Variants in CADPS observed in about 807,000 individuals in gnomAD.
CADPS encodes the protein calcium dependent secretion activator.
Under a neutral mutation model 167.3 loss-of-function variants are expected in CADPS, and 57 were observed. The observed-to-expected ratio is 0.34, with a 90% confidence interval of 0.28 to 0.42. CADPS has a LOEUF of 0.42. Ranked by LOEUF, CADPS falls within the 20% of genes least tolerant of loss-of-function variation. CADPS has a pLI of 1.00. For missense variants in CADPS, 1,414 were observed against 1,738.1 expected (o/e 0.81, Z 3.32); for synonymous variants, 676 against 635.3 (o/e 1.06, Z -0.96).
intron 11 of CADPS, among the ~76,000 whole-genome samples, chr3:62,538,187 G>A (rs959161014): frequency 6.6e-6 from 1 of 152,108 alleles, no homozygotes; most frequent in Non-Finnish European, 1.5e-5. Context: ...GAGGTTGGCT[G>A]CTTCATCTAG....
At chr3:62,740,788 C>T (rs1229302165) in intron 3 of CADPS, among the ~76,000 whole-genome samples, 1 of 152,210 alleles carries the variant, frequency 6.6e-6, no homozygotes, top group African/African-American at 2.4e-5. Context: ...GGGCTCCTTA[C>T]ATACCTTATT....
At chr3:62,530,076 C>T (rs1483996637) in intron 13 of CADPS, among the ~76,000 whole-genome samples, 1 of 152,056 alleles carries the variant, frequency 6.6e-6, no homozygotes, top group African/African-American at 2.4e-5. Context: ...GTTAAAAGTG[C>T]CTTAAAGGTG....
chr3:62,544,970 G>A lies in CADPS; in HGVS notation c.1966+4933C>T, dbSNP rs754583805. On this transcript the variant is annotated intron_variant, in intron 11 of 29. Coordinates refer to ENST00000383710, the MANE Select transcript of CADPS (RefSeq NM_003716.4). This position sits in a 1 kb window ranked among gnomAD's most constrained non-coding sequence, Gnocchi z 4.4. ...CCTAGCAGCCTAAGTTCTTGGGTTCGAGCAAAGATTGAACAAGAAAACTTA... is the reference window on the plus strand; with the variant it reads ...CCTAGCAGCCTAAGTTCTTGGGTTCAAGCAAAGATTGAACAAGAAAACTTA... 22 of 452,144 alleles carry A rather than the reference G, an allele frequency of 4.9e-5. No individual in the cohort carries two copies. The highest frequency in any genetic ancestry group is 1.7e-4 in the Admixed American group (3 of 18,094). 28.0% of individuals were successfully genotyped at this position (452,144 alleles called of 1,614,324 possible).
At chr3:62,662,779 A>G (rs1314004840) in intron 3 of CADPS, among the ~76,000 whole-genome samples, 1 of 152,206 alleles carries the variant, frequency 6.6e-6, no homozygotes, top group Non-Finnish European at 1.5e-5. Flanking sequence ...GAGCAGACAT[A>G]GTGCATATCC....
chr3:62,703,959 T>A lies in CADPS; in HGVS notation c.889-41565A>T, dbSNP rs139030438. On this transcript the variant is annotated intron_variant, in intron 3 of 29. Transcript: ENST00000383710. ...AAATGAATTCCTGGAATGTAGGGAATTTTTAGTCAAGCAATGTCAACTCAC... is the reference window on the plus strand; with the variant it reads ...AAATGAATTCCTGGAATGTAGGGAAATTTTAGTCAAGCAATGTCAACTCAC... Among the ~76,000 whole-genome samples, 259 of 152,226 alleles carry A rather than the reference T, an allele frequency of 1.7e-3. 2 individuals are homozygous for A. Among genetic ancestry groups the A allele is most frequent in the Non-Finnish European group, 2.2e-3 (150 of 68,004 alleles).
intron 3 of CADPS, among the ~76,000 whole-genome samples, chr3:62,708,772 G>A (rs960162639): frequency 1.3e-5 from 2 of 152,050 alleles, no homozygotes; most frequent in Admixed American, 1.3e-4. Context: ...GGATCAATGA[G>A]GAAGCCAAAT....
At chr3:62,681,356 C>T (rs2077131019) in intron 3 of CADPS, among the ~76,000 whole-genome samples, 1 of 152,094 alleles carries the variant, frequency 6.6e-6, no homozygotes, top group South Asian at 2.1e-4. Flanking sequence ...TGACTGACCT[C>T]TGTTTCTCCA....
intron 13 of CADPS, among the ~76,000 whole-genome samples, chr3:62,523,838 G>A (rs1284771550): frequency 6.6e-6 from 1 of 152,178 alleles, no homozygotes. Flanking sequence ...GCTGGTGCAG[G>A]CACCGTAAAC....
intron 1 of CADPS, among the ~76,000 whole-genome samples, chr3:62,868,209 C>A (rs932848051): frequency 6.6e-6 from 1 of 152,044 alleles, no homozygotes; most frequent in African/African-American, 2.4e-5. Context: ...AGGGAACACA[C>A]AGTTCTAAAT....
intron 1 of CADPS, among the ~76,000 whole-genome samples, chr3:62,863,099 T>A (rs1412585063): frequency 6.6e-6 from 1 of 152,204 alleles, no homozygotes; most frequent in African/African-American, 2.4e-5. Flanking sequence ...CTATTATATA[T>A]ACATACAATC....
intron 6 of CADPS, among the ~76,000 whole-genome samples, chr3:62,612,749 A>G (rs1436103703): frequency 6.6e-6 from 1 of 152,178 alleles, no homozygotes; most frequent in Non-Finnish European, 1.5e-5. Context: ...TCCTTGCTGT[A>G]TCCTCTGAGT....
intron 1 of CADPS, among the ~76,000 whole-genome samples, chr3:62,833,253 T>G (rs1559836533): frequency 6.6e-6 from 1 of 152,008 alleles, no homozygotes; most frequent in Non-Finnish European, 1.5e-5. Context: ...CTCCCCAGGA[T>G]CCTCCAACCT....
intron 13 of CADPS, chr3:62,530,751 T>C (rs766779274): frequency 1.6e-6 from 2 of 1,288,172 alleles, no homozygotes; most frequent in Non-Finnish European, 2.0e-6. Flanking sequence ...GGGGAGGGAG[T>C]TTTGCTCCCT....
At chr3:62,733,597 T>C (rs1314721241) in intron 3 of CADPS, among the ~76,000 whole-genome samples, 1 of 152,208 alleles carries the variant, frequency 6.6e-6, no homozygotes, top group African/African-American at 2.4e-5. Flanking sequence ...TTTTTATCTT[T>C]CTTGTCTTAG....
At chr3:62,846,320 A>C (rs62242386) in intron 1 of CADPS, among the ~76,000 whole-genome samples, 22,587 of 152,242 alleles carry the variant, frequency 0.15, 1,769 homozygotes, top group Middle Eastern at 0.19. Context: ...CTCCATAAGC[A>C]ACGTGTTGTG....
chr3:62,585,116 T>C, intron 8 of CADPS, 69 bp downstream of exon 8: 6 of 1,449,804 alleles, frequency 4.1e-6, no homozygotes, highest in Non-Finnish European at 5.8e-6. Flanking sequence ...CTTGTGTTTA[T>C]TTTTGTTTTC....
In CADPS at chr3:62,654,455, G is replaced by A. The variant is rs1448489404; in HGVS notation, c.970-3375C>T. ...GAAGAGTTTGCCACCAGGTTGAGTT[G>A]GCTGAGATAGGGCCACTGCTCTTTT... On this transcript the variant is annotated intron_variant, in intron 4 of 29. Transcript: ENST00000383710. Among the ~76,000 whole-genome samples, 6 of 152,164 alleles carry A rather than the reference G, an allele frequency of 3.9e-5. No homozygotes were observed. In the South Asian group the frequency reaches 1.2e-3, roughly 32 times the overall value.
chr3:62,775,404 A>G (rs1430911947), intron 1 of CADPS, among the ~76,000 whole-genome samples: 1 of 152,150 alleles, frequency 6.6e-6, no homozygotes, highest in Non-Finnish European at 1.5e-5. Flanking sequence ...TCAAAAATGA[A>G]TTCAGTGAGT....
intron 3 of CADPS, among the ~76,000 whole-genome samples, chr3:62,680,371 C>T (rs2076963866): frequency 6.6e-6 from 1 of 152,022 alleles, no homozygotes; most frequent in Non-Finnish European, 1.5e-5. Flanking sequence ...GCCCACCCTA[C>T]CCCAAGCTGT....
Sources: gnomAD v4.1 joint callset for allele counts (sites outside exome capture counted in the v4.1 genomes callset) on GRCh38, gnomAD v4.1.1 for gene constraint, Gnocchi (gnomAD v3.1) non-coding constraint, MANE v1.5 for transcripts, NCBI Gene and HGNC (gene_info 2026-07-23, HGNC 2026-07-21) for gene names.